Variants in GSR observed in about 807,000 individuals in gnomAD.
GSR encodes the protein glutathione reductase, mitochondrial.
GSR carries 48 observed loss-of-function variants against 56.5 expected under a neutral mutation model. The observed-to-expected ratio is 0.85, with a 90% CI of 0.67 to 1.08. GSR has a LOEUF of 1.08. GSR is among the 50% of genes least tolerant of loss of function. The pLI, the probability that GSR is intolerant of heterozygous loss-of-function variation, is 0.00. For missense variants in GSR, 694 were observed against 703.3 expected (o/e 0.99, Z 0.15); for synonymous variants, 264 against 270.8 (o/e 0.97, Z 0.25).
chr8:30,685,472 G>GT (rs1803130058), intron 9 of GSR, among the ~76,000 whole-genome samples: 1 of 151,982 alleles, frequency 6.6e-6, no homozygotes, highest in Admixed American at 6.6e-5. Context: ...ACATACTGAT[G>GT]TTTTTTTCAG....
intron 9 of GSR, among the ~76,000 whole-genome samples, chr8:30,685,045 T>C (rs867210576): frequency 2.6e-5 from 4 of 152,028 alleles, no homozygotes; most frequent in Middle Eastern, 3.4e-3. Flanking sequence ...CTGCAAGCTC[T>C]GCCTCCCAGG....
At chr8:30,715,018 G>C (rs1804281658) in intron 1 of GSR, among the ~76,000 whole-genome samples, 1 of 152,046 alleles carries the variant, frequency 6.6e-6, no homozygotes, top group African/African-American at 2.4e-5. Context: ...GCTCACGCCT[G>C]TAATCCCCAC....
chr8:30,706,139 GCACTT>G (rs909852616), intron 4 of GSR, among the ~76,000 whole-genome samples: 2 of 150,242 alleles, frequency 1.3e-5, no homozygotes, highest in Admixed American at 6.7e-5. Context: ...TCATGCCACT[GCACTT>G]CAGCCTGGGT....
At chr8:30,712,166 T>G in intron 1 of GSR, 78 bp from the exon 2 acceptor site, 1 of 770,326 alleles carries the variant, frequency 1.3e-6, no homozygotes, top group Admixed American at 2.0e-5. Context: ...AAATGCACGC[T>G]AAGCATCAAG....
intron 9 of GSR, among the ~76,000 whole-genome samples, chr8:30,685,809 C>G (rs574762728): frequency 6.6e-6 from 1 of 151,970 alleles, no homozygotes; most frequent in South Asian, 2.1e-4. Flanking sequence ...AACCCTGTCT[C>G]TACTAAAAAT....
chr8:30,700,143 GA>G lies in GSR; in HGVS notation c.641-9del. On this transcript the variant is annotated splice_polypyrimidine_tract_variant and intron_variant, in intron 5 of 12. Transcript: ENST00000221130. ...TTATTCCTAAGCTGGCACCTATGTA[GA>G]AAAAGGCAACATAGATCACACAAGA... is the stretch of plus-strand genomic sequence containing the variant. 3 of 1,604,130 alleles carry G rather than the reference GA, an allele frequency of 1.9e-6. No homozygotes were observed. The highest frequency in any genetic ancestry group is 2.6e-6 in the Non-Finnish European group (3 of 1,171,124).
At chr8:30,685,032 T>C (rs1195366536) in intron 9 of GSR, among the ~76,000 whole-genome samples, 1 of 151,724 alleles carries the variant, frequency 6.6e-6, no homozygotes, top group Non-Finnish European at 1.5e-5. Flanking sequence ...CGATCTAGGC[T>C]CTCTGCAAGC....
At chr8:30,685,533 T>C (rs1269326593) in intron 9 of GSR, among the ~76,000 whole-genome samples, 1 of 152,200 alleles carries the variant, frequency 6.6e-6, no homozygotes, top group Non-Finnish European at 1.5e-5. Flanking sequence ...CATATTGATG[T>C]TTCCCTTAAC....
chr8:30,717,536 C>T (rs1804377057), intron 1 of GSR, among the ~76,000 whole-genome samples: 1 of 152,138 alleles, frequency 6.6e-6, no homozygotes, highest in South Asian at 2.1e-4. Flanking sequence ...GCCTGAGCTC[C>T]ACCCACTTCC....
chr8:30,685,848 A>C (rs1304374437), intron 9 of GSR, among the ~76,000 whole-genome samples: 1 of 152,024 alleles, frequency 6.6e-6, no homozygotes, highest in African/African-American at 2.4e-5. Flanking sequence ...ATGGTGGTGC[A>C]TGCCCACCTA....
chr8:30,719,677 A>G (rs1804462994), intron 1 of GSR, among the ~76,000 whole-genome samples: 1 of 152,096 alleles, frequency 6.6e-6, no homozygotes, highest in Non-Finnish European at 1.5e-5. Flanking sequence ...TAGTGTTCAG[A>G]ACCCCGATCA....
At chr8:30,683,707 G>T (rs1363945867) in intron 10 of GSR, among the ~76,000 whole-genome samples, 3 of 149,224 alleles carry the variant, frequency 2.0e-5, no homozygotes, top group African/African-American at 5.0e-5. Context: ...ACTGCAGTGA[G>T]CCCGTGATCA....
In GSR at chr8:30,703,201, T is replaced by A. The variant is rs1803806658; in HGVS notation, c.532A>T (p.Ser178Cys). 1.2e-6 allele frequency: 2 copies of A among 1,614,042 alleles called. No individual in the cohort carries two copies. Among genetic ancestry groups the A allele is most frequent in the Non-Finnish European group, 8.5e-7 (1 of 1,179,918 alleles). The part of the protein sequence containing the change: ...EIIRGHAAFT[S>C]DPKPTIEVSG... ...ACCTCTATTGTGGGCTTGGGATCAC[T>A]CGTGAAGGCTGCATGGCCACGGATG... Residue 178 changes from serine to cysteine, a missense_variant, in exon 5 of 13, where the codon AGT becomes TGT. By Grantham distance (112) the Ser-to-Cys change is moderately radical. Transcript: ENST00000221130.
intron 7 of GSR, among the ~76,000 whole-genome samples, chr8:30,695,514 C>T (rs1237495617): frequency 1.3e-5 from 2 of 152,056 alleles, no homozygotes; most frequent in Non-Finnish European, 2.9e-5. Context: ...GAATTAGAGG[C>T]GTGAGCCACT....
At chr8:30,691,439 G>A (rs1206012874) in intron 8 of GSR, among the ~76,000 whole-genome samples, 1 of 152,090 alleles carries the variant, frequency 6.6e-6, no homozygotes, top group African/African-American at 2.4e-5. Flanking sequence ...CCAGCACCCT[G>A]GGAGGCTGAG....
intron 9 of GSR, chr8:30,687,679 A>AAAC (rs1803209867): frequency 3.9e-5 from 6 of 151,992 alleles, no homozygotes; most frequent in African/African-American, 1.5e-4. Flanking sequence ...AACAAACAAA[A>AAAC]AAACCCAGAA....
At chr8:30,707,169 G>A (rs1803947381) in intron 4 of GSR, 1 of 152,218 alleles carries the variant, frequency 6.6e-6, no homozygotes, top group Non-Finnish European at 1.5e-5. Flanking sequence ...TTTTCAGCTA[G>A]ATAGCACTCC....
chr8:30,716,602 G>A (rs919327249), intron 1 of GSR, among the ~76,000 whole-genome samples: 4 of 152,202 alleles, frequency 2.6e-5, no homozygotes, highest in Admixed American at 6.5e-5. Context: ...GAGGCCAGGA[G>A]TTCAAGATGA....
intron 1 of GSR, among the ~76,000 whole-genome samples, chr8:30,717,041 C>G (rs1308569164): frequency 6.6e-6 from 1 of 152,082 alleles, no homozygotes; most frequent in Non-Finnish European, 1.5e-5. Flanking sequence ...AGTTCAAGAC[C>G]AGCCTGACCA....
Sources: gnomAD v4.1 joint callset for allele counts (sites outside exome capture counted in the v4.1 genomes callset) on GRCh38, gnomAD v4.1.1 for gene constraint, MANE v1.5 for transcripts, NCBI Gene and HGNC (gene_info 2026-07-23, HGNC 2026-07-21) for gene names.